CDK14: variants seen among roughly 807,000 people sequenced by gnomAD.
CDK14 encodes the protein cyclin dependent kinase 14.
Under a neutral mutation model 60.7 loss-of-function variants are expected in CDK14, and 34 were observed. That is an observed-to-expected ratio of 0.56 (90% CI 0.43 to 0.75). The LOEUF (loss-of-function observed/expected upper bound fraction) is 0.75. Ranked by LOEUF, CDK14 falls within the 30% of genes least tolerant of loss-of-function variation. CDK14 has a pLI of 0.00. For missense variants in CDK14, 482 were observed against 564.1 expected (o/e 0.85, Z 1.47); for synonymous variants, 197 against 203.7 (o/e 0.97, Z 0.28).
intron 7 of CDK14, among the ~76,000 whole-genome samples, chr7:90,900,065 A>C (rs1792455582): frequency 6.6e-6 from 1 of 152,158 alleles, no homozygotes; most frequent in Admixed American, 6.5e-5. Flanking sequence ...TATTCATCTC[A>C]ATTTCTTCCC....
In CDK14 at chr7:90,726,583, TG is replaced by T. The variant is rs745973909; in HGVS notation, c.141del (p.Met47IlefsTer12). 2 of 1,613,458 alleles carry T rather than the reference TG, an allele frequency of 1.2e-6. No homozygotes were observed. Among genetic ancestry groups the T allele is most frequent in the Non-Finnish European group, 1.7e-6 (2 of 1,179,618 alleles). On this transcript the variant is annotated frameshift_variant, in exon 3 of 15. Coordinates refer to ENST00000380050, the MANE Select transcript of CDK14 (RefSeq NM_001287135.2). LOFTEE classifies it high-confidence loss of function. ...TTTTCTCAGATATGTGTCACAAAGA[TG>T]TCTACACGGAACTGCCAGGGAATGG... The part of the protein sequence containing the change: ...TTFDEICVTK[M>X]STRNCQGMDS...
intron 5 of CDK14, among the ~76,000 whole-genome samples, chr7:90,808,793 CAAAA>C (rs904264914): frequency 6.6e-6 from 1 of 151,416 alleles, no homozygotes; most frequent in African/African-American, 2.4e-5. Flanking sequence ...AAATGAAAAA[CAAAA>C]AAAGGCAGGG....
chr7:90,627,287 G>C (rs940866763), intron 2 of CDK14, among the ~76,000 whole-genome samples: 1 of 151,676 alleles, frequency 6.6e-6, no homozygotes. Context: ...ATGGCTCACT[G>C]TAGTGTCACC....
intron 2 of CDK14, among the ~76,000 whole-genome samples, chr7:90,643,549 T>G (rs972705019): frequency 6.6e-6 from 1 of 152,204 alleles, no homozygotes; most frequent in Non-Finnish European, 1.5e-5. Flanking sequence ...CCTTGTTTCT[T>G]AAGGTGGTTT....
intron 9 of CDK14, among the ~76,000 whole-genome samples, chr7:90,959,739 C>G (rs181313569): frequency 6.6e-6 from 1 of 152,284 alleles, no homozygotes; most frequent in Non-Finnish European, 1.5e-5. Flanking sequence ...TGATGGAAAT[C>G]AGAGCTGGCC....
At chr7:90,842,891 T>A (rs1790343430) in intron 5 of CDK14, among the ~76,000 whole-genome samples, 1 of 152,164 alleles carries the variant, frequency 6.6e-6, no homozygotes. Flanking sequence ...GATAAAACAT[T>A]TCCTAAGTTG....
At chr7:91,033,415 C>T (rs1178680331) in intron 10 of CDK14, among the ~76,000 whole-genome samples, 1 of 152,212 alleles carries the variant, frequency 6.6e-6, no homozygotes, top group Non-Finnish European at 1.5e-5. Context: ...ACCATAACTT[C>T]CTCTCCTCTA....
intron 7 of CDK14, among the ~76,000 whole-genome samples, chr7:90,908,195 A>G (rs879869263): frequency 1.3e-5 from 2 of 152,154 alleles, no homozygotes; most frequent in Non-Finnish European, 2.9e-5. Context: ...ATAAAAGAAA[A>G]TGAAGTTCCA....
At chr7:90,788,402 T>C (rs974417080) in intron 4 of CDK14, among the ~76,000 whole-genome samples, 24 of 152,276 alleles carry the variant, frequency 1.6e-4, no homozygotes, top group Non-Finnish European at 3.1e-4. Context: ...ATAGTAATTT[T>C]TTTTGCCTGC....
chr7:90,635,102 T>G (rs1011941210), intron 2 of CDK14, among the ~76,000 whole-genome samples: 2 of 152,060 alleles, frequency 1.3e-5, no homozygotes, highest in South Asian at 2.1e-4. Flanking sequence ...ACTCTGATGG[T>G]AGTTTCTTTT....
At chr7:90,664,312 G>C (rs889735658) in intron 2 of CDK14, among the ~76,000 whole-genome samples, 20 of 152,306 alleles carry the variant, frequency 1.3e-4, no homozygotes, top group East Asian at 9.6e-4. Flanking sequence ...AGGATGTGGA[G>C]AAATAGGAAC....
At chr7:91,150,163 AC>A (rs1287464556) in intron 14 of CDK14, among the ~76,000 whole-genome samples, 2 of 152,138 alleles carry the variant, frequency 1.3e-5, no homozygotes, top group Non-Finnish European at 2.9e-5. Flanking sequence ...AAAAATTACA[AC>A]ATCTTCTGGT....
intron 8 of CDK14, among the ~76,000 whole-genome samples, chr7:90,919,804 A>C (rs73407415): frequency 0.022 from 3,342 of 152,260 alleles, 109 homozygotes; most frequent in African/African-American, 0.076. Context: ...GCTCTTTCTA[A>C]TTTTTCACTA....
intron 1 of CDK14, among the ~76,000 whole-genome samples, 161 bp from the exon 2 acceptor site, chr7:90,604,057 A>G (rs771300873): frequency 6.6e-6 from 1 of 152,200 alleles, no homozygotes; most frequent in South Asian, 2.1e-4. Flanking sequence ...TTTCATTTGC[A>G]GTTTTCATAT....
rs114767882 is a variant in CDK14, at chr7:90,741,563, C to T, written c.370-6118C>T. Among the ~76,000 whole-genome samples, 924 of 152,186 alleles carry T rather than the reference C, an allele frequency of 6.1e-3. 15 individuals are homozygous for T. The highest frequency in any genetic ancestry group is 0.021 in the African/African-American group (869 of 41,524). ...GGTAGTAGAAAATTTTAATAAGTAC[C>T]TGTTTTCTACAATCTCTGTGGCATT... is the stretch of plus-strand genomic sequence containing the variant. On this transcript the variant is annotated intron_variant, in intron 3 of 14. Coordinates refer to ENST00000380050, the MANE Select transcript of CDK14 (RefSeq NM_001287135.2).
intron 6 of CDK14, among the ~76,000 whole-genome samples, chr7:90,883,885 A>G (rs1000320733): frequency 3.9e-5 from 6 of 152,216 alleles, no homozygotes; most frequent in East Asian, 1.9e-4. Flanking sequence ...ATGAAATTCA[A>G]TGTTCTTTCA....
chr7:90,746,603 C>T (rs774474475), intron 3 of CDK14, among the ~76,000 whole-genome samples: 1 of 151,700 alleles, frequency 6.6e-6, no homozygotes, highest in Non-Finnish European at 1.5e-5. Context: ...TTGGTATTAC[C>T]CTTTTATATA....
chr7:90,852,163 C>G (rs1790666015), intron 5 of CDK14, among the ~76,000 whole-genome samples: 2 of 152,150 alleles, frequency 1.3e-5, no homozygotes, highest in South Asian at 4.1e-4. Flanking sequence ...TTTCAAAATG[C>G]TGGGATTACA....
intron 9 of CDK14, among the ~76,000 whole-genome samples, chr7:90,963,086 A>AGAGAGAGTGT (rs146903374): frequency 1.4e-5 from 2 of 142,080 alleles, no homozygotes; most frequent in South Asian, 2.4e-4. Flanking sequence ...TCATCTTAAG[A>AGAGAGAGTGT]GTGTGTGTGT....
Sources: allele counts gnomAD v4.1 joint callset (sites outside exome capture counted in the v4.1 genomes callset), GRCh38; gene constraint gnomAD v4.1.1; transcripts MANE v1.5; gene names NCBI Gene and HGNC (gene_info 2026-07-23, HGNC 2026-07-21).